Variants in SLAMF9 observed in about 807,000 individuals in gnomAD.
SLAMF9 encodes the protein CD2 family member 10.
Under a neutral mutation model 30.4 loss-of-function variants are expected in SLAMF9, and 25 were observed. That is an observed-to-expected ratio of 0.82 (90% CI 0.60 to 1.15). SLAMF9 has a LOEUF of 1.15. Among genes scored for constraint, SLAMF9 ranks in the 50% most tolerant of loss-of-function variants. The pLI is 0.00. For synonymous variants in SLAMF9, 129 were observed against 127.2 expected (o/e 1.01, Z -0.09); for missense variants, 344 against 346.1 (o/e 0.99, Z 0.05).
intron 2 of SLAMF9, 98 bp from the exon 3 acceptor site, chr1:159,952,632 C>T: frequency 7.7e-7 from 1 of 1,290,702 alleles, no homozygotes; most frequent in East Asian, 2.3e-5. Flanking sequence ...TACCCCTTGA[C>T]AGCCCCTGCA....
chr1:159,976,978 G>GA, the SLAMF9 span: 53 of 43,232 alleles, frequency 1.2e-3, 1 homozygote, highest in Admixed American at 4.3e-3. Context: ...AAGAAGGAAA[G>GA]AAGGAAAGAA....
the SLAMF9 span, chr1:159,978,851 T>C: frequency 6.6e-6 from 1 of 152,226 alleles, no homozygotes; most frequent in African/African-American, 2.4e-5. Flanking sequence ...TGTAAAAATA[T>C]AGACAGAGTA....
In SLAMF9 at chr1:159,952,552, A is replaced by G; in HGVS notation, c.392-18T>C. On this transcript the variant is annotated intron_variant, in intron 2 of 3. Coordinates refer to ENST00000368093, the MANE Select transcript of SLAMF9 (RefSeq NM_033438.4). ...CAGCCATCCTGGATGAAGGGGAAAC[A>G]CAAAGACCCTCTAAACAATCAGGGA... The G allele has an allele frequency of 6.2e-7, 1 of 1,610,626 alleles. No individual in the cohort carries two copies. The highest frequency in any genetic ancestry group is 2.2e-5 in the East Asian group (1 of 44,824).
At chr1:159,983,772 C>G in the SLAMF9 span, 1 of 152,198 alleles carries the variant, frequency 6.6e-6, no homozygotes, top group African/African-American at 2.4e-5. Flanking sequence ...TTCCCCTGGT[C>G]AGTGGTTCTG....
chr1:159,973,968 A>C, the SLAMF9 span: 16 of 1,611,050 alleles, frequency 9.9e-6, no homozygotes, highest in Non-Finnish European at 1.2e-5. Context: ...GTAGAACTTC[A>C]CCTGAGACAG....
chr1:159,965,199 T>TG, the SLAMF9 span, among the ~76,000 whole-genome samples: 1 of 152,168 alleles, frequency 6.6e-6, no homozygotes, highest in Non-Finnish European at 1.5e-5. Context: ...GAGTCAAGGT[T>TG]GGGGGAAAGC....
At chr1:159,956,302 CA>C (rs1207218960), upstream of SLAMF9, among the ~76,000 whole-genome samples, 8 of 151,936 alleles carry the variant, frequency 5.3e-5, no homozygotes, top group Admixed American at 1.3e-4. Context: ...CCCATGTCTA[CA>C]AAAAAAATTT....
At chr1:159,956,290 A>T (rs531206114), upstream of SLAMF9, among the ~76,000 whole-genome samples, 104 of 152,134 alleles carry the variant, frequency 6.8e-4, no homozygotes, top group Non-Finnish European at 1.3e-3. Flanking sequence ...ACATAGAAAG[A>T]CCCCATGTCT....
At chr1:159,979,712 C>A in the SLAMF9 span, among the ~76,000 whole-genome samples, 1 of 149,472 alleles carries the variant, frequency 6.7e-6, no homozygotes, top group Non-Finnish European at 1.5e-5. Context: ...TTTAATTCTA[C>A]TATATGTAAG....
At chr1:159,952,606 C>T (rs2101890383) in intron 2 of SLAMF9, 72 bp from the exon 3 acceptor site, 2 of 1,532,798 alleles carry the variant, frequency 1.3e-6, no homozygotes, top group Admixed American at 3.4e-5. Context: ...GCTCCTCAAA[C>T]CTGGGGTACT....
At chr1:159,976,891 A>C in the SLAMF9 span, 3 of 147,038 alleles carry the variant, frequency 2.0e-5, no homozygotes, top group Non-Finnish European at 4.5e-5. Flanking sequence ...AAAAAAAAAG[A>C]GAAAGAAAGA....
At chr1:159,956,647 G>T (rs1177923898), upstream of SLAMF9, among the ~76,000 whole-genome samples, 1 of 151,974 alleles carries the variant, frequency 6.6e-6, no homozygotes, top group Non-Finnish European at 1.5e-5. Flanking sequence ...GCTGAGTAGC[G>T]GGTGGTAAGT....
chr1:159,971,668 T>C, the SLAMF9 span, among the ~76,000 whole-genome samples: 9 of 152,146 alleles, frequency 5.9e-5, no homozygotes, highest in African/African-American at 1.9e-4. Flanking sequence ...CAAGGCTGAC[T>C]TGGACTCGTT....
chr1:159,969,785 G>A, the SLAMF9 span, among the ~76,000 whole-genome samples: 1 of 152,210 alleles, frequency 6.6e-6, no homozygotes, highest in Non-Finnish European at 1.5e-5. Context: ...GCTCATGCCT[G>A]TAATCCCAGC....
the SLAMF9 span, among the ~76,000 whole-genome samples, chr1:159,971,213 G>A: frequency 6.6e-6 from 1 of 152,168 alleles, no homozygotes; most frequent in Non-Finnish European, 1.5e-5. Flanking sequence ...ACTGTCTGAT[G>A]GCCAAGGCCC....
chr1:159,973,187 G>A, the SLAMF9 span: 2 of 1,502,204 alleles, frequency 1.3e-6, no homozygotes, highest in Non-Finnish European at 1.8e-6. Flanking sequence ...CTGACCTCAG[G>A]GGGTGCAGCT....
In SLAMF9 at chr1:159,953,575, A is replaced by T; in HGVS notation, c.125T>A (p.Leu42Gln). The T allele has an allele frequency of 6.2e-7, 1 of 1,614,104 alleles. No individual in the cohort carries two copies. The highest frequency in any genetic ancestry group is 8.5e-7 in the Non-Finnish European group (1 of 1,179,960). Residue 42 changes from leucine to glutamine, a missense_variant, in exon 2 of 4, where the codon CTG (leucine) becomes CAG (glutamine). Coordinates refer to ENST00000368093, the MANE Select transcript of SLAMF9 (RefSeq NM_033438.4). ...AVLQESISLP[L>Q]EIPPDEEVEN... The stretch of plus-strand genomic sequence containing the variant: ...AACCTCTTCATCTGGTGGTATTTCC[A>T]GGGGGAGGCTGATGGACTCCTGAAG...
At chr1:159,954,697 A>G (rs2101891960), upstream of SLAMF9, among the ~76,000 whole-genome samples, 1 of 152,324 alleles carries the variant, frequency 6.6e-6, no homozygotes, top group East Asian at 1.9e-4. Flanking sequence ...ATAATGGATG[A>G]ATGATTAAGC....
At chr1:159,976,979 AAGG>A in the SLAMF9 span, 103 of 44,100 alleles carry the variant, frequency 2.3e-3, 2 homozygotes, top group African/African-American at 4.3e-3. Flanking sequence ...AGAAGGAAAG[AAGG>A]AAAGAAGGAA....
Sources: gnomAD v4.1 joint callset for allele counts (sites outside exome capture counted in the v4.1 genomes callset) on GRCh38, gnomAD v4.1.1 for gene constraint, MANE v1.5 for transcripts, NCBI Gene and HGNC (gene_info 2026-07-23, HGNC 2026-07-21) for gene names.